Variants in PIEZO2 observed in about 807,000 individuals in gnomAD.
The protein encoded by PIEZO2 is piezo type mechanosensitive ion channel component 2.
A neutral mutation model predicts 337.3 loss-of-function variants in PIEZO2; 172 were observed. The observed-to-expected ratio is 0.51, with a 90% CI of 0.45 to 0.58. PIEZO2 has a LOEUF of 0.58. PIEZO2 is among the 20% of genes least tolerant of loss of function. The pLI, the probability that PIEZO2 is intolerant of heterozygous loss-of-function variation, is 0.00. For synonymous variants in PIEZO2, 1,251 were observed against 1,228.5 expected, an observed-to-expected ratio of 1.02 and a Z score of -0.38; for missense variants, 3,028 against 3,391.3, an observed-to-expected ratio of 0.89 and a Z score of 2.66.
chr18:11,050,937 C>T (rs571114963), intron 2 of PIEZO2, among the ~76,000 whole-genome samples: 1 of 151,832 alleles, frequency 6.6e-6, no homozygotes, highest in Non-Finnish European at 1.5e-5. Context: ...GAAACCTACC[C>T]CTTTCAAAAC....
At chr18:11,029,154 C>T (rs895179778) in intron 2 of PIEZO2, among the ~76,000 whole-genome samples, 1 of 152,162 alleles carries the variant, frequency 6.6e-6, no homozygotes, top group Non-Finnish European at 1.5e-5. Context: ...CTGAATTGTA[C>T]TCACATGACA....
intron 2 of PIEZO2, among the ~76,000 whole-genome samples, chr18:11,049,952 G>T (rs890743375): frequency 2.6e-5 from 4 of 152,122 alleles, no homozygotes; most frequent in South Asian, 4.1e-4. Flanking sequence ...AAAGCAAAAA[G>T]CTTGGGGCTT....
At position 10,726,005 on chromosome 18, in the gene PIEZO2, G is replaced by A. The variant is rs1227831668; in HGVS notation, c.5029+5402C>T. 2.0e-5 allele frequency among the ~76,000 whole-genome samples: 3 copies of A among 152,308 alleles called. No individual in the cohort carries two copies. Among genetic ancestry groups the A allele is most frequent in the African/African-American group, 7.2e-5 (3 of 41,564 alleles). On this transcript the variant is annotated intron_variant, in intron 36 of 55. Transcript: ENST00000674853. This position sits in a 1 kb window ranked among gnomAD's most constrained non-coding sequence, Gnocchi z 5.9. The stretch of plus-strand genomic sequence containing the variant: ...GGTGGTTTTTACCGAAGGCATCAGC[G>A]TGACTGTTCAGAATAATATGGGCAC...
Position 11,078,706 on chromosome 18 carries a change from AGT to A in PIEZO2, c.65-12486_65-12485del. On this transcript the variant is annotated intron_variant, in intron 1 of 55. Transcript: ENST00000674853. This position sits in a 1 kb window ranked among gnomAD's most constrained non-coding sequence, Gnocchi z 5.3. ...TGAGACACATGCGGCCTCTGACCAC[AGT>A]GTGAAAACCTCGCTCCCAGAGCAAC... Among the ~76,000 whole-genome samples, 1 of 152,308 alleles carries A rather than the reference AGT, an allele frequency of 6.6e-6. No individual in the cohort carries two copies. Among genetic ancestry groups the A allele is most frequent in the East Asian group, 1.9e-4 (1 of 5,176 alleles).
In PIEZO2 at chr18:10,855,092, T is replaced by C. The variant is rs2041666365; in HGVS notation, c.917+261A>G. On this transcript the variant is annotated intron_variant, in intron 7 of 55. Transcript: ENST00000674853. The surrounding 1 kb of genome is among the most constrained non-coding windows in gnomAD (Gnocchi z 4.9). ...TCTTCCCCAGCTGAGACTCTGTGTC[T>C]TATTCCTACACATGACAGCTCCCTG... Among the ~76,000 whole-genome samples the C allele has an allele frequency of 6.6e-6, 1 of 152,178 alleles. No homozygotes were observed. Among genetic ancestry groups the C allele is most frequent in the Non-Finnish European group, 1.5e-5 (1 of 68,034 alleles).
chr18:10,849,587 G>A (rs1220362737), intron 7 of PIEZO2, among the ~76,000 whole-genome samples: 1 of 152,118 alleles, frequency 6.6e-6, no homozygotes, highest in Non-Finnish European at 1.5e-5. Context: ...AGCCGCCCAA[G>A]GATCCCTGAA....
At chr18:10,909,070 A>T (rs1420062132) in intron 4 of PIEZO2, among the ~76,000 whole-genome samples, 1 of 152,210 alleles carries the variant, frequency 6.6e-6, no homozygotes, top group Admixed American at 6.5e-5. Flanking sequence ...GGCTGAGCCA[A>T]GGAGAAACAG....
intron 3 of PIEZO2, among the ~76,000 whole-genome samples, chr18:10,939,734 A>C (rs2032618834): frequency 6.6e-6 from 1 of 152,158 alleles, no homozygotes; most frequent in African/African-American, 2.4e-5. Flanking sequence ...ACATGGACAC[A>C]GGGAGGGGAA....
Position 10,677,711 on chromosome 18 carries a change from T to TA in PIEZO2, c.8081+35dup, listed in dbSNP as rs756452361. On this transcript the variant is annotated intron_variant, in intron 53 of 55. Coordinates refer to ENST00000674853, the MANE Select transcript of PIEZO2 (RefSeq NM_001378183.1). The surrounding 1 kb of genome is among the most constrained non-coding windows in gnomAD (Gnocchi z 4.1). Reference sequence around the variant, plus strand: ...ACATTTTGTACCAGCTGCATATACCTAACAAAGCTCTATTAGTAGGAAAAA... The same window carrying TA: ...ACATTTTGTACCAGCTGCATATACCTAAACAAAGCTCTATTAGTAGGAAAAA... The TA allele has an allele frequency of 6.3e-7, 1 of 1,598,086 alleles. No individual in the cohort carries two copies. The highest frequency in any genetic ancestry group is 8.5e-7 in the Non-Finnish European group (1 of 1,175,132).
chr18:11,024,937 C>T (rs866393118), intron 2 of PIEZO2, among the ~76,000 whole-genome samples: 1 of 149,664 alleles, frequency 6.7e-6, no homozygotes, highest in Non-Finnish European at 1.5e-5. Flanking sequence ...CCGTGCCCAG[C>T]GAAGGTTTTT....
chr18:11,145,738 T>C (rs955453157), intron 1 of PIEZO2, among the ~76,000 whole-genome samples: 1 of 152,194 alleles, frequency 6.6e-6, no homozygotes, highest in Non-Finnish European at 1.5e-5. Context: ...GTGGCATATC[T>C]GCTCAGCCCT....
Position 10,767,757 on chromosome 18 carries a change from C to T in PIEZO2, c.2946+2391G>A, listed in dbSNP as rs1019257217. On this transcript the variant is annotated intron_variant, in intron 21 of 55. Transcript: ENST00000674853. This position sits in a 1 kb window ranked among gnomAD's most constrained non-coding sequence, Gnocchi z 4.2. ...AGCACCCAGAGCTGCTCCAAGGCTG[C>T]GGGGAAGGCTGTCTGGAAGGGCAGC... Among the ~76,000 whole-genome samples, 67 of 152,072 alleles carry T rather than the reference C, an allele frequency of 4.4e-4. No homozygotes were observed. The highest frequency in any genetic ancestry group is 1.5e-3 in the African/African-American group (63 of 41,388).
chr18:11,066,324 C>A, intron 1 of PIEZO2, 102 bp from the exon 2 acceptor site: 1 of 769,532 alleles, frequency 1.3e-6, no homozygotes. Flanking sequence ...GTCACTGGAT[C>A]AAACAGTGTC....
At chr18:10,823,896 A>T (rs2040592264) in intron 7 of PIEZO2, among the ~76,000 whole-genome samples, 1 of 152,216 alleles carries the variant, frequency 6.6e-6, no homozygotes, top group African/African-American at 2.4e-5. Context: ...ATTCTGCCAC[A>T]TTTCGTTCTG....
intron 3 of PIEZO2, among the ~76,000 whole-genome samples, chr18:10,974,899 G>GA (rs1386223275): frequency 6.6e-6 from 1 of 152,220 alleles, no homozygotes; most frequent in African/African-American, 2.4e-5. Context: ...CCTGACGAAG[G>GA]AATCTCCTGC....
At chr18:11,011,694 C>G (rs2035909539) in intron 2 of PIEZO2, among the ~76,000 whole-genome samples, 1 of 152,074 alleles carries the variant, frequency 6.6e-6, no homozygotes, top group Non-Finnish European at 1.5e-5. Context: ...TAAAAAAGAC[C>G]CACAACCTGG....
intron 3 of PIEZO2, among the ~76,000 whole-genome samples, chr18:10,971,589 T>C (rs8094201): frequency 0.12 from 17,598 of 152,120 alleles, 2,775 homozygotes; most frequent in African/African-American, 0.35. Context: ...GTCCCCATGA[T>C]GCACTCGTAG....
In PIEZO2 at chr18:11,016,238, C is replaced by T. The variant is rs1469601074; in HGVS notation, c.161-36578G>A. ...AACTGTCATCCCACAGGGAAAGAAA[C>T]AGGCCAAGAGTGGCCAGAGTATGTA... On this transcript the variant is annotated intron_variant, in intron 2 of 55. Transcript: ENST00000674853. This position sits in a 1 kb window ranked among gnomAD's most constrained non-coding sequence, Gnocchi z 5.6. Among the ~76,000 whole-genome samples, 1 of 152,186 alleles carries T rather than the reference C, an allele frequency of 6.6e-6. No individual in the cohort carries two copies. Among genetic ancestry groups the T allele is most frequent in the Non-Finnish European group, 1.5e-5 (1 of 68,038 alleles).
intron 4 of PIEZO2, among the ~76,000 whole-genome samples, chr18:10,875,699 A>G (rs1568154236): frequency 6.6e-6 from 1 of 152,252 alleles, no homozygotes; most frequent in Non-Finnish European, 1.5e-5. Context: ...TTCTTACACC[A>G]CAACAGACAG....
Sources: gnomAD v4.1 joint callset for allele counts (sites outside exome capture counted in the v4.1 genomes callset) on GRCh38, gnomAD v4.1.1 for gene constraint, Gnocchi (gnomAD v3.1) non-coding constraint, MANE v1.5 for transcripts, NCBI Gene and HGNC (gene_info 2026-07-23, HGNC 2026-07-21) for gene names.